Variants in ZZZ3 observed in about 807,000 individuals in gnomAD.
The protein encoded by ZZZ3 is zinc finger ZZ-type containing 3, also known as ZZ-type zinc finger-containing protein 3.
ZZZ3 carries 22 observed loss-of-function variants against 95.2 expected under a neutral mutation model. The observed-to-expected ratio is 0.23, with a 90% confidence interval of 0.17 to 0.33. The LOEUF (loss-of-function observed/expected upper bound fraction) is 0.33, where lower values mean the gene tolerates loss of function less well. Among genes scored for constraint, ZZZ3 ranks in the 10% least tolerant of loss-of-function variants. ZZZ3 has a pLI of 1.00. For synonymous variants in ZZZ3, 335 were observed against 358.9 expected (o/e 0.93, Z 0.75); for missense variants, 885 against 1,066.5 (o/e 0.83, Z 2.37).
chr1:77,612,794 G>A (rs1438367721), intron 5 of ZZZ3, among the ~76,000 whole-genome samples: 3 of 151,660 alleles, frequency 2.0e-5, no homozygotes, highest in Non-Finnish European at 4.4e-5. Flanking sequence ...AGGGGGGTGG[G>A]GAAAGAGAAT....
At chr1:77,670,892 C>T (rs1254006096) in intron 1 of ZZZ3, among the ~76,000 whole-genome samples, 1 of 151,788 alleles carries the variant, frequency 6.6e-6, no homozygotes, top group Non-Finnish European at 1.5e-5. Flanking sequence ...GAAACAAAAA[C>T]AAGCCAGGTG....
intron 5 of ZZZ3, among the ~76,000 whole-genome samples, chr1:77,622,816 T>G (rs999392036): frequency 1.3e-5 from 2 of 152,188 alleles, no homozygotes; most frequent in African/African-American, 4.8e-5. Context: ...ATTAAAATTC[T>G]TACTGTTACA....
intron 1 of ZZZ3, among the ~76,000 whole-genome samples, chr1:77,651,632 C>G (rs929757140): frequency 6.6e-6 from 1 of 152,006 alleles, no homozygotes; most frequent in Non-Finnish European, 1.5e-5. Context: ...TACAGTTATG[C>G]AAAATGAAAA....
intron 5 of ZZZ3, among the ~76,000 whole-genome samples, chr1:77,595,476 T>A (rs973635841): frequency 1.3e-5 from 2 of 152,024 alleles, no homozygotes; most frequent in African/African-American, 4.8e-5. Flanking sequence ...TATCAAATAT[T>A]ACACCTTATC....
intron 5 of ZZZ3, among the ~76,000 whole-genome samples, chr1:77,626,518 A>G (rs1392536017): frequency 1.3e-5 from 2 of 152,140 alleles, no homozygotes; most frequent in Non-Finnish European, 2.9e-5. Context: ...CCTCACATGC[A>G]TGGTTCACAA....
rs182236293 is a variant in ZZZ3 at position 77,634,694 on chromosome 1, G to A, written c.-51-1289C>T. Among the ~76,000 whole-genome samples the A allele has an allele frequency of 1.9e-3, 285 of 152,214 alleles. 4 individuals carry two copies. Among genetic ancestry groups the A allele is most frequent in the African/African-American group, 6.6e-3 (272 of 41,522 alleles). On this transcript the variant is annotated intron_variant, in intron 4 of 14. Transcript: ENST00000370801. ...GGGAGATGAGCAGGTATTCTGGTGTGGATGCTTGAGGTTTATATGACAGAA... is the reference window on the plus strand; with the variant it reads ...GGGAGATGAGCAGGTATTCTGGTGTAGATGCTTGAGGTTTATATGACAGAA...
intron 5 of ZZZ3, among the ~76,000 whole-genome samples, chr1:77,606,375 G>A (rs993985203): frequency 3.3e-5 from 5 of 152,158 alleles, no homozygotes; most frequent in African/African-American, 7.2e-5. Flanking sequence ...CCCTGGCTCC[G>A]GGATGGCATC....
At chr1:77,617,398 T>C (rs567063995) in intron 5 of ZZZ3, among the ~76,000 whole-genome samples, 2 of 152,316 alleles carry the variant, frequency 1.3e-5, no homozygotes, top group South Asian at 2.1e-4. Flanking sequence ...ATATGACCTA[T>C]TGTGTCTGGT....
At chr1:77,666,502 C>T (rs531707235) in intron 1 of ZZZ3, among the ~76,000 whole-genome samples, 1 of 152,266 alleles carries the variant, frequency 6.6e-6, no homozygotes, top group Admixed American at 6.5e-5. Flanking sequence ...CACTGCACTC[C>T]AGCCTGGGCG....
At chr1:77,597,993 G>T (rs1263597081) in intron 5 of ZZZ3, among the ~76,000 whole-genome samples, 1 of 152,036 alleles carries the variant, frequency 6.6e-6, no homozygotes, top group Non-Finnish European at 1.5e-5. Flanking sequence ...ATATGTTCTA[G>T]ATATTTCTGT....
At chr1:77,634,973 C>T (rs926285538) in intron 4 of ZZZ3, among the ~76,000 whole-genome samples, 1 of 152,148 alleles carries the variant, frequency 6.6e-6, no homozygotes, top group African/African-American at 2.4e-5. Context: ...TTCACAGTCC[C>T]TTCCTCCTGC....
chr1:77,672,232 C>T (rs1290757067), intron 1 of ZZZ3, among the ~76,000 whole-genome samples: 2 of 152,130 alleles, frequency 1.3e-5, no homozygotes, highest in Non-Finnish European at 2.9e-5. Flanking sequence ...CTAGTAAATT[C>T]CCTGATAGGT....
chr1:77,605,047 C>CA (rs1337227023), intron 5 of ZZZ3, among the ~76,000 whole-genome samples: 1 of 152,144 alleles, frequency 6.6e-6, no homozygotes. Context: ...ACTATCTACC[C>CA]AAAAAAACAG....
At chr1:77,570,613 T>G (rs1344390043) in intron 12 of ZZZ3, among the ~76,000 whole-genome samples, 1 of 151,760 alleles carries the variant, frequency 6.6e-6, no homozygotes, top group African/African-American at 2.4e-5. Context: ...TCACACTTCA[T>G]CTATCTTATC....
chr1:77,635,703 C>T (rs1342886598), intron 4 of ZZZ3, among the ~76,000 whole-genome samples: 2 of 152,070 alleles, frequency 1.3e-5, no homozygotes, highest in Non-Finnish European at 2.9e-5. Flanking sequence ...GTCAGGAGTT[C>T]GTGACCAGCC....
At chr1:77,669,871 CTG>C (rs1297741495) in intron 1 of ZZZ3, among the ~76,000 whole-genome samples, 1 of 151,812 alleles carries the variant, frequency 6.6e-6, no homozygotes, top group Non-Finnish European at 1.5e-5. Flanking sequence ...GAAAAGAAAA[CTG>C]TAATAGGCTG....
chr1:77,603,630 C>T (rs1457264509), intron 5 of ZZZ3, among the ~76,000 whole-genome samples: 1 of 152,100 alleles, frequency 6.6e-6, no homozygotes, highest in African/African-American at 2.4e-5. Context: ...CATTTCCTGT[C>T]CCTAATCTAC....
rs1442386657 is a variant in ZZZ3, at chr1:77,644,946, G to T, written c.-402-3291C>A. Among the ~76,000 whole-genome samples the T allele has an allele frequency of 2.6e-5, 4 of 152,168 alleles. No homozygotes were observed. The East Asian group carries it at 7.7e-4, about 29-fold the overall frequency. ...TTCTAAAACTTTAGTGTTCGGGCTG[G>T]GCACAATGGCTCACGCTGGTCATCT... On this transcript the variant is annotated intron_variant, in intron 1 of 14. Transcript: ENST00000370801.
Position 77,632,202 on chromosome 1 carries a change from C to T in ZZZ3, c.1153G>A (p.Ala385Thr), listed in dbSNP as rs1359260810. Residue 385 changes from alanine to threonine, a missense_variant, in exon 5 of 15, where the codon GCA (alanine) becomes ACA (threonine). Physicochemically the swap from Ala to Thr is moderately conservative, Grantham distance 58. Around this residue, in one of 5 missense-constraint regions of ZZZ3, gnomAD observed 556 missense variants for 652.9 expected, o/e 0.85. Transcript: ENST00000370801. ...GTGGGACTACCTCTGGTAGGGGCTG[C>T]CCTTCGTGGTGAGGTTCTCAGAGTA... ...RYTLRTSPRR[A>T]APTRGSPTKN... The T allele has an allele frequency of 1.2e-6, 2 of 1,613,862 alleles. No individual in the cohort carries two copies. Among genetic ancestry groups the T allele is most frequent in the African/African-American group, 1.3e-5 (1 of 74,884 alleles).
Sources: allele counts gnomAD v4.1 joint callset (sites outside exome capture counted in the v4.1 genomes callset), GRCh38; gene constraint gnomAD v4.1.1; regional missense constraint gnomAD v4.1.1; transcripts MANE v1.5; gene names NCBI Gene and HGNC (gene_info 2026-07-23, HGNC 2026-07-21).